Variants in MCU observed in about 807,000 individuals in gnomAD.
The protein encoded by MCU is calcium uniporter protein, mitochondrial.
In MCU, 12 loss-of-function variants were observed where a neutral mutation model predicts 45.2. The ratio of observed to expected loss-of-function variants is 0.27; its 90% CI spans 0.17 to 0.43. The LOEUF is 0.43. Ranked by LOEUF, MCU falls within the 20% of genes least tolerant of loss-of-function variation. The pLI, the probability that MCU is intolerant of heterozygous loss-of-function variation, is 1.00. For missense variants in MCU, 324 were observed against 436.7 expected (o/e 0.74, Z 2.30); for synonymous variants, 160 against 165.1 (o/e 0.97, Z 0.24).
chr10:72,724,959 G>A (rs1390715767), intron 1 of MCU, among the ~76,000 whole-genome samples: 2 of 152,128 alleles, frequency 1.3e-5, no homozygotes, highest in East Asian at 1.9e-4. Context: ...TTCACACTGT[G>A]TTTATTTTTT....
Position 72,885,795 on chromosome 10 carries a change from T to G in MCU, c.1029T>G (p.Pro343=). The G allele has an allele frequency of 6.2e-7, 1 of 1,613,788 alleles. No homozygotes were observed. The highest frequency in any genetic ancestry group is 8.5e-7 in the Non-Finnish European group (1 of 1,179,770). ...RLRDPLQVHL[P]LRQIGEKD is the part of the protein sequence containing the mutation. ...GAGACCCATTACAAGTACATCTGCC[T>G]CTCCGACAAATTGGTGAAAAAGATT... Residue 343 remains proline, a synonymous_variant, in exon 8 of 8, where the codon CCT becomes CCG. Transcript: ENST00000373053.
intron 1 of MCU, among the ~76,000 whole-genome samples, chr10:72,757,917 C>A (rs1011096773): frequency 2.0e-5 from 3 of 152,358 alleles, no homozygotes; most frequent in Admixed American, 6.5e-5. Flanking sequence ...TAATTCAAAG[C>A]AGTGGCTTAG....
chr10:72,712,640 A>G (rs1199424933), intron 1 of MCU, among the ~76,000 whole-genome samples: 1 of 152,214 alleles, frequency 6.6e-6, no homozygotes, highest in Non-Finnish European at 1.5e-5. Context: ...GGGCAAGCAA[A>G]AGAAAAGTAA....
At chr10:72,836,782 A>C (rs924997443) in intron 2 of MCU, among the ~76,000 whole-genome samples, 3 of 152,230 alleles carry the variant, frequency 2.0e-5, no homozygotes, top group African/African-American at 7.2e-5. Flanking sequence ...ATGTAGCTTG[A>C]TGTCCTTATT....
chr10:72,868,781 T>C lies in MCU; in HGVS notation c.575T>C (p.Ile192Thr). The C allele has an allele frequency of 6.2e-7, 1 of 1,614,140 alleles. No homozygotes were observed. The part of the protein sequence containing the change: ...LVQQLYTTLC[I>T]EQHQLNKERE... ...CAGCAACTATACACCACACTGTGCA[T>C]TGAGCAGCACCAGTTAAACAAGGAA... is the stretch of plus-strand genomic sequence containing the variant. Residue 192 changes from isoleucine to threonine, a missense_variant, in exon 5 of 8, where the codon ATT (isoleucine) becomes ACT (threonine). Ile to Thr is a moderately conservative substitution (Grantham distance 89, BLOSUM62 -1). Transcript: ENST00000373053.
chr10:72,789,401 A>G (rs181958239), intron 1 of MCU, among the ~76,000 whole-genome samples: 8 of 152,242 alleles, frequency 5.3e-5, no homozygotes, highest in African/African-American at 1.2e-4. Flanking sequence ...CAAAATGTCT[A>G]TAGTTTCTGT....
intron 1 of MCU, among the ~76,000 whole-genome samples, chr10:72,815,024 G>A (rs1325992320): frequency 6.6e-6 from 1 of 152,120 alleles, no homozygotes; most frequent in Non-Finnish European, 1.5e-5. Context: ...AGAGGCTTGA[G>A]GAAATTATAT....
At chr10:72,882,665 A>C in intron 6 of MCU, among the ~76,000 whole-genome samples, 1 of 152,182 alleles carries the variant, frequency 6.6e-6, no homozygotes, top group Non-Finnish European at 1.5e-5. Flanking sequence ...TATCAATGAC[A>C]ATGGTGCCCG....
intron 1 of MCU, among the ~76,000 whole-genome samples, chr10:72,728,000 A>T (rs1001292839): frequency 1.3e-5 from 2 of 152,164 alleles, no homozygotes; most frequent in South Asian, 4.2e-4. Context: ...AAAATGCCCA[A>T]ATTATACCAC....
chr10:72,871,398 A>C lies in MCU; in HGVS notation c.679A>C (p.Lys227Gln). Reference sequence around the variant, plus strand: ...ATAGGTACGAATTGAGATTAGCAGAAAAGCTGAGAAGAGGACCACTTTGGT... The same window carrying C: ...ATAGGTACGAATTGAGATTAGCAGACAAGCTGAGAAGAGGACCACTTTGGT... ...LEKVRIEISR[K>Q]AEKRTTLVLW... The change falls in exon 6 of 8, where the codon AAA becomes CAA. Residue 227 changes from lysine to glutamine, a missense_variant. Around this residue, in one of 4 missense-constraint regions of MCU, gnomAD observed 135 missense variants for 207.3 expected, o/e 0.65. Coordinates refer to ENST00000373053, the MANE Select transcript of MCU (RefSeq NM_138357.3). 3 of 1,614,158 alleles carry C rather than the reference A, an allele frequency of 1.9e-6. No individual in the cohort carries two copies. The highest frequency in any genetic ancestry group is 2.5e-6 in the Non-Finnish European group (3 of 1,179,980).
chr10:72,752,837 G>A (rs1255537014), intron 1 of MCU, among the ~76,000 whole-genome samples: 2 of 152,174 alleles, frequency 1.3e-5, no homozygotes, highest in African/African-American at 4.8e-5. Context: ...CAGTAAAGGT[G>A]GAAGGAGCCC....
chr10:72,764,199 C>T (rs1219971132), intron 1 of MCU, among the ~76,000 whole-genome samples: 1 of 152,166 alleles, frequency 6.6e-6, no homozygotes, highest in Non-Finnish European at 1.5e-5. Flanking sequence ...AGGCATTGTA[C>T]AAGTCCATTC....
At chr10:72,847,907 C>T (rs937047661) in intron 2 of MCU, among the ~76,000 whole-genome samples, 2 of 152,138 alleles carry the variant, frequency 1.3e-5, no homozygotes, top group African/African-American at 4.8e-5. Flanking sequence ...GTGGGCTTCT[C>T]CATAGGGCTG....
intron 6 of MCU, among the ~76,000 whole-genome samples, chr10:72,882,229 G>A (rs1188033643): frequency 6.6e-6 from 1 of 152,084 alleles, no homozygotes; most frequent in Non-Finnish European, 1.5e-5. Flanking sequence ...AGGACCCTGT[G>A]ATAATTGCAT....
chr10:72,804,380 C>T (rs987374902), intron 1 of MCU, among the ~76,000 whole-genome samples: 5 of 152,052 alleles, frequency 3.3e-5, no homozygotes, highest in African/African-American at 1.2e-4. Flanking sequence ...TGAGCCATCA[C>T]GCTCGGACAA....
intron 2 of MCU, 59 bp from the exon 3 acceptor site, chr10:72,859,118 G>T: frequency 6.9e-7 from 1 of 1,454,776 alleles, no homozygotes. Context: ...TGGTAATAAT[G>T]TGACTTTAAC....
chr10:72,722,316 C>CAAA (rs35164146), intron 1 of MCU, among the ~76,000 whole-genome samples: 13 of 20,174 alleles, frequency 6.4e-4, no homozygotes, highest in African/African-American at 1.2e-3. Context: ...AACTCCATCT[C>CAAA]AAAAAAAAAA....
chr10:72,712,371 A>G (rs1240311285), intron 1 of MCU: 1 of 152,210 alleles, frequency 6.6e-6, no homozygotes, highest in Non-Finnish European at 1.5e-5. Flanking sequence ...GTCTTGTACA[A>G]GATACAGAGC....
intron 1 of MCU, among the ~76,000 whole-genome samples, chr10:72,799,587 G>A (rs894656449): frequency 1.3e-5 from 2 of 151,732 alleles, no homozygotes; most frequent in Non-Finnish European, 2.9e-5. Flanking sequence ...CTCCTGAGTA[G>A]CAGGGATTAC....
Sources: allele counts gnomAD v4.1 joint callset (sites outside exome capture counted in the v4.1 genomes callset), GRCh38; gene constraint gnomAD v4.1.1; regional missense constraint gnomAD v4.1.1; transcripts MANE v1.5; gene names NCBI Gene and HGNC (gene_info 2026-07-23, HGNC 2026-07-21).